The following GALNT13 variants were observed in gnomAD, a reference collection of about 807,000 sequenced individuals.
GALNT13 encodes the protein UDP-GalNAc:polypeptide N-acetylgalactosaminyltransferase 13.
In GALNT13, 28 loss-of-function variants were observed where a neutral mutation model predicts 64.2. The observed-to-expected ratio is 0.44, with a 90% CI of 0.32 to 0.60. The LOEUF is 0.60. Ranked by LOEUF, GALNT13 falls within the 20% of genes least tolerant of loss-of-function variation. The probability of loss-of-function intolerance (pLI) is 0.05; values close to 1 mark genes in which losing one functional copy is unlikely to be tolerated. For missense variants in GALNT13, 577 were observed against 669.8 expected (o/e 0.86, Z 1.53); for synonymous variants, 214 against 224.6 (o/e 0.95, Z 0.42).
chr2:153,165,313 A>G, the GALNT13 span, among the ~76,000 whole-genome samples: 92 of 152,306 alleles, frequency 6.0e-4, no homozygotes, highest in African/African-American at 1.9e-3. Context: ...CTTGATTAGT[A>G]TTGTGATACC....
At chr2:153,604,661 T>A in the GALNT13 span, among the ~76,000 whole-genome samples, 5 of 152,184 alleles carry the variant, frequency 3.3e-5, no homozygotes, top group East Asian at 9.7e-4. Context: ...TATGTGTGGC[T>A]CCTTCAGTTA....
the GALNT13 span, among the ~76,000 whole-genome samples, chr2:153,784,677 T>C: frequency 1.3e-5 from 2 of 152,098 alleles, no homozygotes; most frequent in Non-Finnish European, 2.9e-5. Context: ...AAGTAGAAGG[T>C]TAAACTCACA....
the GALNT13 span, among the ~76,000 whole-genome samples, chr2:153,373,798 A>G: frequency 6.6e-6 from 1 of 152,012 alleles, no homozygotes; most frequent in Non-Finnish European, 1.5e-5. Flanking sequence ...TCTACTTTCT[A>G]CTTTCTGTCT....
intron 8 of GALNT13, among the ~76,000 whole-genome samples, chr2:154,283,054 A>G (rs1692050359): frequency 6.6e-6 from 1 of 152,192 alleles, no homozygotes; most frequent in African/African-American, 2.4e-5. Context: ...AATGACTTTC[A>G]TGCCTTTTGT....
At chr2:153,714,196 T>C in the GALNT13 span, among the ~76,000 whole-genome samples, 1 of 152,198 alleles carries the variant, frequency 6.6e-6, no homozygotes, top group Non-Finnish European at 1.5e-5. Flanking sequence ...TTAGAATTGA[T>C]AGTCCGACTG....
intron 4 of GALNT13, among the ~76,000 whole-genome samples, chr2:154,182,637 G>C (rs1686025035): frequency 6.8e-6 from 1 of 147,808 alleles, no homozygotes; most frequent in Non-Finnish European, 1.5e-5. Flanking sequence ...TTATTATATG[G>C]TATATAATAT....
chr2:153,994,552 A>G (rs953460077), intron 3 of GALNT13, among the ~76,000 whole-genome samples: 1 of 152,160 alleles, frequency 6.6e-6, no homozygotes, highest in South Asian at 2.1e-4. Context: ...AAGTGTTCCT[A>G]TTCTTCCACA....
chr2:154,109,596 T>A (rs1320086871), intron 3 of GALNT13, among the ~76,000 whole-genome samples: 1 of 152,168 alleles, frequency 6.6e-6, no homozygotes, highest in East Asian at 1.9e-4. Context: ...TGAATATAAA[T>A]GTTAGCTGTC....
rs3075862 is a variant in GALNT13 at position 154,145,048 on chromosome 2, TTCTCTCTCTC to T, written c.311+4559_311+4568del. Reference sequence around the variant, plus strand: ...CTTCATTCCTGGGATATTTATGTAGTTCTCTCTCTCTCTCTCTCTCTCTCTATCTATCTAT... The same window carrying T: ...CTTCATTCCTGGGATATTTATGTAGTTCTCTCTCTCTCTCTATCTATCTAT... On this transcript the variant is annotated intron_variant, in intron 4 of 12. Transcript: ENST00000392825. Among the ~76,000 whole-genome samples the T allele has an allele frequency of 1.6e-3, 172 of 106,678 alleles. 2 individuals are homozygous for T. Among genetic ancestry groups the T allele is most frequent in the African/African-American group, 5.0e-3 (157 of 31,440 alleles). 70.0% of individuals were successfully genotyped at this position (106,678 alleles called of 152,430 possible).
chr2:153,826,010 C>T, the GALNT13 span, among the ~76,000 whole-genome samples: 1 of 152,180 alleles, frequency 6.6e-6, no homozygotes, highest in Non-Finnish European at 1.5e-5. Flanking sequence ...TCTAATTACT[C>T]ATGCCAAATT....
chr2:153,413,177 A>G, the GALNT13 span, among the ~76,000 whole-genome samples: 1 of 152,096 alleles, frequency 6.6e-6, no homozygotes, highest in Non-Finnish European at 1.5e-5. Context: ...GGGATCTGGG[A>G]AATATACATC....
At chr2:153,479,675 A>G in the GALNT13 span, among the ~76,000 whole-genome samples, 1 of 152,208 alleles carries the variant, frequency 6.6e-6, no homozygotes, top group Admixed American at 6.5e-5. Context: ...TTGCTCATCA[A>G]CATCCATCAC....
At chr2:154,111,142 A>T (rs904955296) in intron 3 of GALNT13, among the ~76,000 whole-genome samples, 3 of 152,168 alleles carry the variant, frequency 2.0e-5, no homozygotes, top group Non-Finnish European at 2.9e-5. Context: ...GGTGGTATTG[A>T]TGACTACCTT....
the GALNT13 span, among the ~76,000 whole-genome samples, chr2:153,665,851 G>A: frequency 6.6e-6 from 1 of 152,158 alleles, no homozygotes. Flanking sequence ...TGCTTGGAGA[G>A]TTGGCAGGAA....
At chr2:153,828,663 G>T in the GALNT13 span, among the ~76,000 whole-genome samples, 3 of 152,146 alleles carry the variant, frequency 2.0e-5, no homozygotes, top group Non-Finnish European at 4.4e-5. Context: ...GCTCTGATAT[G>T]CCCTGGAGAT....
intron 3 of GALNT13, among the ~76,000 whole-genome samples, chr2:154,016,183 A>G (rs777456802): frequency 7.2e-5 from 11 of 152,198 alleles, no homozygotes; most frequent in Non-Finnish European, 1.0e-4. Context: ...AATTTAATAC[A>G]TTCTATATCA....
the GALNT13 span, among the ~76,000 whole-genome samples, chr2:153,748,850 CTTA>C: frequency 6.6e-6 from 1 of 151,702 alleles, no homozygotes; most frequent in Non-Finnish European, 1.5e-5. Flanking sequence ...TTTTTCCACC[CTTA>C]TTATAATGAT....
chr2:153,584,851 T>C, the GALNT13 span, among the ~76,000 whole-genome samples: 14 of 152,258 alleles, frequency 9.2e-5, no homozygotes, highest in South Asian at 2.7e-3. Context: ...CTAAAAAAAA[T>C]TGTAGACTAT....
chr2:153,796,471 T>A, the GALNT13 span, among the ~76,000 whole-genome samples: 11 of 152,226 alleles, frequency 7.2e-5, no homozygotes, highest in Non-Finnish European at 1.5e-4. Context: ...CATGTCATGT[T>A]GGAATAACTA....
Sources: gnomAD v4.1 joint callset for allele counts (sites outside exome capture counted in the v4.1 genomes callset) on GRCh38, gnomAD v4.1.1 for gene constraint, MANE v1.5 for transcripts, NCBI Gene and HGNC (gene_info 2026-07-23, HGNC 2026-07-21) for gene names.